Variants in CDC42BPA observed in about 807,000 individuals in gnomAD.
CDC42BPA encodes the protein serine/threonine-protein kinase MRCK alpha.
A neutral mutation model predicts 223.5 loss-of-function variants in CDC42BPA; 80 were observed. The observed-to-expected ratio is 0.36, with a 90% CI of 0.30 to 0.43. The LOEUF (loss-of-function observed/expected upper bound fraction) is 0.43, where lower values mean the gene tolerates loss of function less well. Ranked by LOEUF, CDC42BPA falls within the 20% of genes least tolerant of loss-of-function variation. The pLI is 1.00. For synonymous variants in CDC42BPA, 694 were observed against 718.6 expected (o/e 0.97, Z 0.55); for missense variants, 1,743 against 2,099.9 (o/e 0.83, Z 3.32).
intron 1 of CDC42BPA, among the ~76,000 whole-genome samples, chr1:227,301,176 A>G (rs1007427835): frequency 2.0e-5 from 3 of 152,210 alleles, no homozygotes; most frequent in Non-Finnish European, 2.9e-5. Flanking sequence ...CATCATAAGA[A>G]CAGAGAAATA....
At chr1:227,246,093 GC>G (rs1327971810) in intron 2 of CDC42BPA, among the ~76,000 whole-genome samples, 1 of 152,108 alleles carries the variant, frequency 6.6e-6, no homozygotes, top group Non-Finnish European at 1.5e-5. Flanking sequence ...TGAGTCCGAG[GC>G]CTGGCAGCAC....
intron 15 of CDC42BPA, among the ~76,000 whole-genome samples, chr1:227,096,902 G>T (rs1160810317): frequency 6.6e-6 from 1 of 152,114 alleles, no homozygotes; most frequent in South Asian, 2.1e-4. Context: ...TCTCCACAAA[G>T]ATGTCTTCCA....
At chr1:227,105,757 G>A (rs1462396911) in intron 14 of CDC42BPA, among the ~76,000 whole-genome samples, 1 of 152,198 alleles carries the variant, frequency 6.6e-6, no homozygotes, top group Non-Finnish European at 1.5e-5. Flanking sequence ...ATTTAGCCAT[G>A]TTGTAGCATG....
At chr1:227,265,586 G>A (rs1398176325) in intron 1 of CDC42BPA, among the ~76,000 whole-genome samples, 2 of 149,468 alleles carry the variant, frequency 1.3e-5, no homozygotes, top group East Asian at 2.0e-4. Flanking sequence ...CCAAGATCAC[G>A]CCACTGCACT....
intron 1 of CDC42BPA, among the ~76,000 whole-genome samples, chr1:227,269,509 AAAG>A (rs751213211): frequency 5.5e-4 from 84 of 152,348 alleles, no homozygotes; most frequent in Non-Finnish European, 5.0e-4. Flanking sequence ...TTAATAATAA[AAAG>A]AAGATTTATC....
intron 2 of CDC42BPA, among the ~76,000 whole-genome samples, chr1:227,250,026 G>C (rs975311112): frequency 2.6e-5 from 4 of 152,072 alleles, no homozygotes; most frequent in Non-Finnish European, 5.9e-5. Context: ...GAGTACAACT[G>C]GATTTTCTGT....
intron 22 of CDC42BPA, among the ~76,000 whole-genome samples, 172 bp downstream of exon 22, chr1:227,051,709 G>C (rs1673555475): frequency 6.6e-6 from 1 of 152,100 alleles, no homozygotes; most frequent in Non-Finnish European, 1.5e-5. Flanking sequence ...AGGACAATGT[G>C]CTCTTTAGTT....
rs991541670 is a variant in CDC42BPA at position 227,063,799 on chromosome 1, C to T, written c.2904+5978G>A. Among the ~76,000 whole-genome samples the T allele has an allele frequency of 7.9e-5, 12 of 152,216 alleles. No homozygotes were observed. The East Asian group carries it at 2.3e-3, about 29-fold the overall frequency. ...AATTCTCACATACAATTGACCATTC[C>T]CCCAAGTATCGCTGAAACTATGCTG... On this transcript the variant is annotated intron_variant, in intron 21 of 36. Transcript: ENST00000366766.
At chr1:227,078,913 T>C (rs1396249219) in intron 17 of CDC42BPA, among the ~76,000 whole-genome samples, 1 of 152,164 alleles carries the variant, frequency 6.6e-6, no homozygotes, top group East Asian at 1.9e-4. Flanking sequence ...AATTTTTGGA[T>C]TAGGGATGCT....
rs113021492 is a variant in CDC42BPA, at chr1:227,055,435, A to G, written c.2905-3450T>C. ...TATTCTATCCACTAAAAAGCAATTAATTCTATTAAACTTTCAGAATATTCA... is the reference window on the plus strand; with the variant it reads ...TATTCTATCCACTAAAAAGCAATTAGTTCTATTAAACTTTCAGAATATTCA... On this transcript the variant is annotated intron_variant, in intron 21 of 36. Transcript: ENST00000366766. Among the ~76,000 whole-genome samples, 472 of 152,288 alleles carry G rather than the reference A, an allele frequency of 3.1e-3. 2 individuals are homozygous for G. The highest frequency in any genetic ancestry group is 0.01 in the African/African-American group (421 of 41,586).
At chr1:227,045,885 C>T (rs988495760) in intron 23 of CDC42BPA, among the ~76,000 whole-genome samples, 1 of 152,132 alleles carries the variant, frequency 6.6e-6, no homozygotes, top group Non-Finnish European at 1.5e-5. Context: ...CAGCTCACTG[C>T]AGCCTTGACC....
chr1:227,035,645 A>C, intron 24 of CDC42BPA, 38 bp from the exon 25 acceptor site: 1 of 1,528,096 alleles, frequency 6.5e-7, no homozygotes, highest in Non-Finnish European at 8.8e-7. Context: ...ATAAAAATTC[A>C]TTTTAACAAA....
At chr1:227,193,284 T>C (rs1441447710) in intron 5 of CDC42BPA, among the ~76,000 whole-genome samples, 1 of 151,932 alleles carries the variant, frequency 6.6e-6, no homozygotes, top group African/African-American at 2.4e-5. Context: ...GTGGTCTCGA[T>C]CTCCTGACCT....
chr1:227,265,585 C>T (rs1391538024), intron 1 of CDC42BPA, among the ~76,000 whole-genome samples: 4 of 150,042 alleles, frequency 2.7e-5, no homozygotes, highest in Admixed American at 6.7e-5. Flanking sequence ...CCCAAGATCA[C>T]GCCACTGCAC....
chr1:227,198,438 C>CAAAAAAAAAAAAAAAAAAA (rs1176604134), intron 4 of CDC42BPA, among the ~76,000 whole-genome samples: 1 of 51,536 alleles, frequency 1.9e-5, no homozygotes, highest in Non-Finnish European at 3.9e-5. Flanking sequence ...ATCCAGCAAA[C>CAAAAAAAAAAAAAAAAAAA]AAAAAAAAAA....
At chr1:227,100,858 A>T in intron 15 of CDC42BPA, 134 bp downstream of exon 15, 5 of 591,626 alleles carry the variant, frequency 8.5e-6, no homozygotes, top group Admixed American at 3.3e-5. Context: ...CTGTATTATA[A>T]TTTTCTATCT....
chr1:227,300,996 T>G (rs1190944397), intron 1 of CDC42BPA, among the ~76,000 whole-genome samples: 2 of 152,236 alleles, frequency 1.3e-5, no homozygotes, highest in Non-Finnish European at 2.9e-5. Flanking sequence ...GAAATAATAA[T>G]CATATCCATC....
chr1:227,138,903 A>G (rs892835334), intron 10 of CDC42BPA, among the ~76,000 whole-genome samples: 1 of 152,326 alleles, frequency 6.6e-6, no homozygotes, highest in East Asian at 1.9e-4. Flanking sequence ...TATAAATAGC[A>G]GAGTTAAACG....
chr1:227,115,390 T>G (rs1687611289), intron 12 of CDC42BPA, among the ~76,000 whole-genome samples: 1 of 152,064 alleles, frequency 6.6e-6, no homozygotes, highest in East Asian at 1.9e-4. Context: ...TAAACTTTTG[T>G]GCCTTCTATA....
Sources: allele counts gnomAD v4.1 joint callset (sites outside exome capture counted in the v4.1 genomes callset), GRCh38; gene constraint gnomAD v4.1.1; transcripts MANE v1.5; gene names NCBI Gene and HGNC (gene_info 2026-07-23, HGNC 2026-07-21).